Variants in ENOX1 observed in about 807,000 individuals in gnomAD.
ENOX1 encodes the protein ecto-NOX disulfide-thiol exchanger 1.
Under a neutral mutation model 82.5 loss-of-function variants are expected in ENOX1, and 42 were observed. The ratio of observed to expected loss-of-function variants is 0.51; its 90% CI spans 0.40 to 0.66. ENOX1 has a LOEUF of 0.66. ENOX1 is among the 30% of genes least tolerant of loss of function. ENOX1 has a pLI of 0.00. For synonymous variants in ENOX1, 271 were observed against 282.2 expected (o/e 0.96, Z 0.40); for missense variants, 608 against 811.6 (o/e 0.75, Z 3.05).
chr13:43,709,807 G>A (rs865868923), intron 1 of ENOX1, among the ~76,000 whole-genome samples: 1 of 152,096 alleles, frequency 6.6e-6, no homozygotes, highest in Non-Finnish European at 1.5e-5. Flanking sequence ...CATCAAAATT[G>A]TTTGAGATAA....
intron 1 of ENOX1, among the ~76,000 whole-genome samples, chr13:43,678,639 T>C (rs919247433): frequency 6.6e-5 from 10 of 152,212 alleles, no homozygotes; most frequent in African/African-American, 2.4e-4. Context: ...CTACATCATC[T>C]TAAGCAAGTT....
At chr13:43,565,866 A>T (rs1011265387) in intron 2 of ENOX1, among the ~76,000 whole-genome samples, 1 of 152,208 alleles carries the variant, frequency 6.6e-6, no homozygotes, top group African/African-American at 2.4e-5. Context: ...ATGCCATCCT[A>T]GTAAACATCC....
chr13:43,604,762 T>C (rs796619460), intron 2 of ENOX1, among the ~76,000 whole-genome samples: 83 of 152,178 alleles, frequency 5.5e-4, no homozygotes, highest in African/African-American at 1.8e-3. Flanking sequence ...CAACTGGAAG[T>C]CCTAGCCAAA....
chr13:43,562,394 A>G (rs1288506854), intron 2 of ENOX1, among the ~76,000 whole-genome samples: 1 of 152,142 alleles, frequency 6.6e-6, no homozygotes, highest in Non-Finnish European at 1.5e-5. Flanking sequence ...ATAAAAATTA[A>G]AAAGCAAGAA....
At chr13:43,556,367 C>T (rs4383050) in intron 2 of ENOX1, among the ~76,000 whole-genome samples, 147,978 of 152,276 alleles carry the variant, frequency 0.97, 72,045 homozygotes, top group East Asian at 1. Context: ...TCCTCACTTA[C>T]AGAGATGATA....
intron 5 of ENOX1, among the ~76,000 whole-genome samples, chr13:43,378,319 C>A (rs1257523789): frequency 6.6e-6 from 1 of 152,242 alleles, no homozygotes; most frequent in South Asian, 2.1e-4. Flanking sequence ...AGGATGGCAG[C>A]TTAGAGTTCA....
intron 1 of ENOX1, among the ~76,000 whole-genome samples, chr13:43,742,322 T>C (rs1309890209): frequency 2.6e-5 from 4 of 151,972 alleles, no homozygotes; most frequent in Non-Finnish European, 5.9e-5. Flanking sequence ...GTAGTGTTAG[T>C]CCTGGTCCAA....
chr13:43,421,048 T>C (rs2054942654), intron 3 of ENOX1, among the ~76,000 whole-genome samples: 1 of 152,146 alleles, frequency 6.6e-6, no homozygotes, highest in Admixed American at 6.5e-5. Context: ...GAGTATTATA[T>C]CAAATAACAC....
intron 1 of ENOX1, among the ~76,000 whole-genome samples, chr13:43,784,569 T>C (rs1263334057): frequency 6.6e-6 from 1 of 152,246 alleles, no homozygotes; most frequent in Non-Finnish European, 1.5e-5. Context: ...TCAAAGAGTG[T>C]TGCTGTTTAC....
Position 43,356,118 on chromosome 13 carries a change from T to C in ENOX1, c.624A>G (p.Lys208=), listed in dbSNP as rs767992156. 6.2e-7 allele frequency: 1 copy of C among 1,614,148 alleles called. No individual in the cohort carries two copies. Among genetic ancestry groups the C allele is most frequent in the African/African-American group, 1.3e-5 (1 of 75,022 alleles). Residue 208 remains lysine, a synonymous_variant, in exon 8 of 17, where the codon AAA becomes AAG. Coordinates refer to ENST00000690772, the MANE Select transcript of ENOX1 (RefSeq NM_001347969.2). Reference sequence around the variant, plus strand: ...CCACATGAAGGCGGCCTGAATCCTTTTTGTCGGTGCTAGACCCTAATCGCA... The same window carrying C: ...CCACATGAAGGCGGCCTGAATCCTTCTTGTCGGTGCTAGACCCTAATCGCA... The part of the protein sequence containing the change: ...YRMRLGSSTD[K]KDSGRLHVDF...
chr13:43,768,165 T>C lies in ENOX1; in HGVS notation c.-285+18487A>G, dbSNP rs762531485. ...GATAAAGTTGTGCTTTCATTTATGT[T>C]GTGCTTTTCCTCCTTTTTGATTACT... On this transcript the variant is annotated intron_variant, in intron 1 of 16. Transcript: ENST00000690772. Among the ~76,000 whole-genome samples, 11 of 152,264 alleles carry C rather than the reference T, an allele frequency of 7.2e-5. No homozygotes were observed. In the South Asian group the frequency reaches 1.0e-3, roughly 14 times the overall value.
At chr13:43,777,783 C>G (rs1447899578) in intron 1 of ENOX1, among the ~76,000 whole-genome samples, 2 of 152,060 alleles carry the variant, frequency 1.3e-5, no homozygotes, top group Admixed American at 6.5e-5. Flanking sequence ...CTCCTGACCT[C>G]AAGTGATCCA....
intron 3 of ENOX1, among the ~76,000 whole-genome samples, chr13:43,413,454 A>G (rs539084594): frequency 5.9e-5 from 9 of 152,018 alleles, no homozygotes; most frequent in Admixed American, 1.3e-4. Flanking sequence ...AAAAGTTGGG[A>G]GGAGGAAGGA....
chr13:43,570,226 G>T (rs946310191), intron 2 of ENOX1, among the ~76,000 whole-genome samples: 2 of 152,204 alleles, frequency 1.3e-5, no homozygotes, highest in East Asian at 3.8e-4. Flanking sequence ...CCAGTTAGAT[G>T]TACCACAGAA....
At chr13:43,462,264 G>A (rs997802) in intron 3 of ENOX1, among the ~76,000 whole-genome samples, 1 of 152,022 alleles carries the variant, frequency 6.6e-6, no homozygotes, top group Non-Finnish European at 1.5e-5. Flanking sequence ...TTTTCTTCTG[G>A]ATTTCAGAAT....
At chr13:43,422,888 CA>C (rs558822694) in intron 3 of ENOX1, among the ~76,000 whole-genome samples, 2 of 151,768 alleles carry the variant, frequency 1.3e-5, no homozygotes, top group Non-Finnish European at 2.9e-5. Context: ...GAACAAATAA[CA>C]AAAAAAATCT....
intron 3 of ENOX1, among the ~76,000 whole-genome samples, chr13:43,419,267 A>C (rs1469608462): frequency 6.6e-6 from 1 of 152,172 alleles, no homozygotes; most frequent in Non-Finnish European, 1.5e-5. Flanking sequence ...TCATATCTAC[A>C]ACCCCAGATA....
At chr13:43,264,356 G>T (rs190550691) in intron 14 of ENOX1, among the ~76,000 whole-genome samples, 1 of 152,286 alleles carries the variant, frequency 6.6e-6, no homozygotes, top group East Asian at 1.9e-4. Context: ...TAACTCAGTT[G>T]TAAGTTCCCC....
chr13:43,694,224 G>C (rs549115526), intron 1 of ENOX1, among the ~76,000 whole-genome samples: 1 of 9,678 alleles, frequency 1.0e-4, no homozygotes, highest in East Asian at 6.7e-3. Context: ...ATTAAACTTA[G>C]GGGAAAAAAA....
Sources: gnomAD v4.1 joint callset for allele counts (sites outside exome capture counted in the v4.1 genomes callset) on GRCh38, gnomAD v4.1.1 for gene constraint, MANE v1.5 for transcripts, NCBI Gene and HGNC (gene_info 2026-07-23, HGNC 2026-07-21) for gene names.